AIM2: variants seen among roughly 807,000 people sequenced by gnomAD.
AIM2 encodes interferon-inducible protein AIM2.
Under a neutral mutation model 27.7 loss-of-function variants are expected in AIM2, and 30 were observed. That is an observed-to-expected ratio of 1.08 (90% CI 0.81 to 1.47). The LOEUF (loss-of-function observed/expected upper bound fraction) is 1.47. Among genes scored for constraint, AIM2 ranks in the 40% most tolerant of loss-of-function variants. The pLI, the probability that AIM2 is intolerant of heterozygous loss-of-function variation, is 0.00. For missense variants in AIM2, 358 were observed against 411.3 expected (o/e 0.87, Z 1.12); for synonymous variants, 141 against 145.3 (o/e 0.97, Z 0.21).
intron 1 of AIM2, among the ~76,000 whole-genome samples, chr1:159,113,855 T>C (rs2102031673): frequency 6.6e-6 from 1 of 152,334 alleles, no homozygotes; most frequent in South Asian, 2.1e-4. Context: ...TTTTGAAAGT[T>C]AGCCAGGAAG....
chr1:159,111,899 G>A (rs945749728), intron 1 of AIM2, among the ~76,000 whole-genome samples: 2 of 148,800 alleles, frequency 1.3e-5, no homozygotes, highest in Admixed American at 6.7e-5. Flanking sequence ...TATATTAGCC[G>A]AGCATGGTGG....
intron 1 of AIM2, chr1:159,122,337 T>C (rs993515314): frequency 5.9e-5 from 9 of 152,216 alleles, no homozygotes; most frequent in African/African-American, 2.2e-4. Context: ...ATCTTCAAGA[T>C]TTGTTTGCCA....
intron 2 of AIM2, among the ~76,000 whole-genome samples, chr1:159,071,168 CA>C (rs748021113): frequency 1.3e-5 from 2 of 152,304 alleles, no homozygotes; most frequent in East Asian, 3.9e-4. Context: ...TTGCTTCATA[CA>C]AAAGCTTCTC....
At chr1:159,072,236 C>CT (rs1426193292) in intron 2 of AIM2, among the ~76,000 whole-genome samples, 1 of 152,194 alleles carries the variant, frequency 6.6e-6, no homozygotes, top group Non-Finnish European at 1.5e-5. Flanking sequence ...ACCACCACTC[C>CT]TTTCTCTTTA....
intron 1 of AIM2, among the ~76,000 whole-genome samples, chr1:159,130,029 T>C (rs1404600182): frequency 3.3e-5 from 5 of 152,192 alleles, no homozygotes; most frequent in Admixed American, 1.3e-4. Context: ...TGACAACCCA[T>C]GTATTACCAA....
At chr1:159,132,089 T>G (rs1271364662) in intron 1 of AIM2, among the ~76,000 whole-genome samples, 1 of 151,360 alleles carries the variant, frequency 6.6e-6, no homozygotes, top group Non-Finnish European at 1.5e-5. Flanking sequence ...GGCTCACGCC[T>G]GTAATCCCAG....
chr1:159,073,260 A>T lies in AIM2; in HGVS notation c.240T>A (p.Arg80=), dbSNP rs1656444197. The T allele has an allele frequency of 6.2e-7, 1 of 1,614,162 alleles. No individual in the cohort carries two copies. Among genetic ancestry groups the T allele is most frequent in the East Asian group, 2.2e-5 (1 of 44,886 alleles). The change falls in exon 2 of 6, where the codon CGT becomes CGA. Residue 80 remains arginine, a synonymous_variant. Coordinates refer to ENST00000368130, the MANE Select transcript of AIM2 (RefSeq NM_004833.3). The stretch of plus-strand genomic sequence containing the variant: ...TACCTTTCTCCTTCTCCTCCTGAAG[A>T]CGTTTTGCCAAAAGCATATAATTCA... ...QKLNYMLLAK[R]LQEEKEKVDK...
In AIM2 at chr1:159,135,012, G is replaced by A. The variant is rs1039406896; in HGVS notation, c.-16+5419C>T. The stretch of plus-strand genomic sequence containing the variant: ...GGGGGAAGCTGTCCTTGATCTTCCT[G>A]AAGAGGTCAACTCTCCCAGCCACAG... On this transcript the variant is annotated intron_variant, in intron 1 of 2. Transcript: ENST00000368129. Among the ~76,000 whole-genome samples, 10 of 152,164 alleles carry A rather than the reference G, an allele frequency of 6.6e-5. No individual in the cohort carries two copies. The East Asian group carries it at 1.7e-3, about 26-fold the overall frequency.
At chr1:159,098,687 T>G (rs1057407637) in intron 1 of AIM2, among the ~76,000 whole-genome samples, 2 of 152,148 alleles carry the variant, frequency 1.3e-5, no homozygotes, top group Non-Finnish European at 2.9e-5. Flanking sequence ...GAGATAGGGA[T>G]TAGAGAAAAA....
chr1:159,109,152 G>C lies in AIM2; in HGVS notation c.-16+31279C>G, dbSNP rs79071927. On this transcript the variant is annotated intron_variant, in intron 1 of 2. Transcript: ENST00000368129. ...TACCTGATTTCAAACTATACTATAA[G>C]GCCATAGTCACCAAAACAGCATACC... 3.6e-3 allele frequency among the ~76,000 whole-genome samples: 544 copies of C among 152,124 alleles called. 4 individuals carry two copies. Among genetic ancestry groups the C allele is most frequent in the African/African-American group, 0.013 (522 of 41,528 alleles).
chr1:159,111,871 T>TATCTATCTATCTATCC (rs1481191917), intron 1 of AIM2, among the ~76,000 whole-genome samples: 2 of 150,616 alleles, frequency 1.3e-5, no homozygotes, highest in Non-Finnish European at 3.0e-5. Flanking sequence ...TCTATCTATC[T>TATCTATCTATCTATCC]ATCTATCTAT....
intron 1 of AIM2, among the ~76,000 whole-genome samples, chr1:159,095,558 G>A (rs1268055218): frequency 6.6e-6 from 1 of 152,098 alleles, no homozygotes; most frequent in Non-Finnish European, 1.5e-5. Context: ...TCTCTGCTAT[G>A]TTCTGCACTT....
chr1:159,063,406 T>A, intron 5 of AIM2, 80 bp downstream of exon 5: 1 of 1,372,532 alleles, frequency 7.3e-7, no homozygotes, highest in Non-Finnish European at 1.0e-6. Context: ...TCCTGTTCAA[T>A]GGCTCCAGTC....
At chr1:159,106,859 A>G (rs1219821755) in intron 1 of AIM2, among the ~76,000 whole-genome samples, 1 of 152,252 alleles carries the variant, frequency 6.6e-6, no homozygotes, top group African/African-American at 2.4e-5. Context: ...AAATAGAGAT[A>G]ATAGGAAGTG....
chr1:159,076,512 T>C (rs894413026), intron 1 of AIM2, 121 bp downstream of exon 1: 1 of 152,224 alleles, frequency 6.6e-6, no homozygotes, highest in Non-Finnish European at 1.5e-5. Context: ...CTGATGTCCA[T>C]GTTTGCAGGT....
downstream of AIM2, among the ~76,000 whole-genome samples, chr1:159,058,857 G>T (rs547233811): frequency 3.7e-4 from 57 of 152,198 alleles, 1 homozygote; most frequent in African/African-American, 1.3e-3. Context: ...AAGAGGGATG[G>T]TCCACAAAGC....
chr1:159,117,793 C>A (rs1275409134), intron 1 of AIM2, among the ~76,000 whole-genome samples: 1 of 152,040 alleles, frequency 6.6e-6, no homozygotes, highest in Non-Finnish European at 1.5e-5. Flanking sequence ...ACACACCTTT[C>A]CCCGTGCAGT....
intron 1 of AIM2, among the ~76,000 whole-genome samples, chr1:159,111,831 CATCTATCT>C (rs55915998): frequency 0.27 from 37,265 of 137,254 alleles, 5,116 homozygotes; most frequent in Non-Finnish European, 0.28. Context: ...ATCTATCTAT[CATCTATCT>C]ATCTATCTAT....
intron 1 of AIM2, among the ~76,000 whole-genome samples, chr1:159,091,018 C>A (rs912692732): frequency 6.6e-6 from 1 of 152,054 alleles, no homozygotes; most frequent in African/African-American, 2.4e-5. Flanking sequence ...CAGTCTCTTG[C>A]TGAAATGGAA....
Sources: gnomAD v4.1 joint callset for allele counts (sites outside exome capture counted in the v4.1 genomes callset) on GRCh38, gnomAD v4.1.1 for gene constraint, MANE v1.5 for transcripts, NCBI Gene and HGNC (gene_info 2026-07-23, HGNC 2026-07-21) for gene names.